The following FOCAD variants were observed in gnomAD, a reference collection of about 807,000 sequenced individuals.
FOCAD encodes KIAA1797.
Under a neutral mutation model 225.6 loss-of-function variants are expected in FOCAD, and 198 were observed. The observed-to-expected ratio is 0.88, with a 90% confidence interval of 0.78 to 0.99. The LOEUF is 0.99. Among genes scored for constraint, FOCAD ranks in the 50% least tolerant of loss-of-function variants. The pLI is 0.00. For missense variants in FOCAD, 2,713 were observed against 2,123.6 expected (o/e 1.28, Z -5.46); for synonymous variants, 897 against 755.0 (o/e 1.19, Z -3.08).
chr9:20,910,612 G>A (rs990499667), intron 22 of FOCAD, among the ~76,000 whole-genome samples: 7 of 151,972 alleles, frequency 4.6e-5, no homozygotes, highest in African/African-American at 1.7e-4. Context: ...ATTAATCATT[G>A]GAATCTACAG....
intron 28 of FOCAD, among the ~76,000 whole-genome samples, chr9:20,940,468 A>G (rs1421737307): frequency 6.6e-6 from 1 of 151,958 alleles, no homozygotes; most frequent in East Asian, 1.9e-4. Context: ...TATTTTTTGT[A>G]GAGACAGGGT....
At chr9:20,838,248 T>C (rs1451454221) in intron 15 of FOCAD, among the ~76,000 whole-genome samples, 3 of 152,084 alleles carry the variant, frequency 2.0e-5, no homozygotes, top group Non-Finnish European at 4.4e-5. Flanking sequence ...TTTTGTGATT[T>C]AGATGACATT....
rs567187176 is a variant in FOCAD, at chr9:20,734,165, C to T, written c.288-6071C>T. Among the ~76,000 whole-genome samples the T allele has an allele frequency of 1.6e-4, 25 of 151,804 alleles. No homozygotes were observed. The Middle Eastern group carries it at 0.014, about 83-fold the overall frequency. The stretch of plus-strand genomic sequence containing the variant: ...CTTTTTGTCATCTTTTTTTTCTTTT[C>T]TTAAAATTCACTTTTGTTATTGAGC... On this transcript the variant is annotated intron_variant, in intron 4 of 43. Transcript: ENST00000338382.
intron 20 of FOCAD, among the ~76,000 whole-genome samples, chr9:20,884,497 A>C (rs1046316200): frequency 6.6e-6 from 1 of 151,950 alleles, no homozygotes; most frequent in African/African-American, 2.4e-5. Context: ...GGGTTTCACC[A>C]TGTTGACCTG....
At chr9:20,862,843 A>G in intron 16 of FOCAD, 131 bp downstream of exon 16, 1 of 1,014,590 alleles carries the variant, frequency 9.9e-7, no homozygotes, top group Non-Finnish European at 1.4e-6. Flanking sequence ...TGATATGTTT[A>G]TGGACTCTTA....
chr9:20,944,600 A>C, intron 28 of FOCAD, 27 bp from the exon 29 acceptor site: 3 of 1,604,512 alleles, frequency 1.9e-6, no homozygotes, highest in East Asian at 2.2e-5. Context: ...TTATGATCCT[A>C]ACATCTTATC....
chr9:20,701,592 G>C (rs1029263676), intron 1 of FOCAD, among the ~76,000 whole-genome samples: 2 of 152,170 alleles, frequency 1.3e-5, no homozygotes, highest in African/African-American at 4.8e-5. Flanking sequence ...GATGGAAGTG[G>C]CCAATTGTTA....
chr9:20,746,507 G>T (rs72703912), intron 5 of FOCAD, among the ~76,000 whole-genome samples: 26,579 of 152,104 alleles, frequency 0.17, 2,698 homozygotes, highest in Non-Finnish European at 0.23. Flanking sequence ...TTCGAGAAAA[G>T]TTACAAGAAT....
At chr9:20,791,131 A>C (rs2131191852) in intron 11 of FOCAD, among the ~76,000 whole-genome samples, 1 of 152,196 alleles carries the variant, frequency 6.6e-6, no homozygotes, top group African/African-American at 2.4e-5. Context: ...TATCTAAAGA[A>C]GGATTCCCTT....
At chr9:20,838,156 A>G (rs758028988) in intron 15 of FOCAD, among the ~76,000 whole-genome samples, 15 of 151,910 alleles carry the variant, frequency 9.9e-5, no homozygotes, top group Admixed American at 2.6e-4. Flanking sequence ...AAGGAATAGG[A>G]TTTCTTAGAG....
At chr9:20,937,939 C>T (rs377412227) in intron 28 of FOCAD, among the ~76,000 whole-genome samples, 3 of 152,242 alleles carry the variant, frequency 2.0e-5, no homozygotes, top group East Asian at 3.9e-4. Flanking sequence ...AGACACTTCT[C>T]AAAAGAAGAC....
intron 2 of FOCAD, among the ~76,000 whole-genome samples, chr9:20,669,722 C>G (rs1821999301): frequency 6.6e-6 from 1 of 152,116 alleles, no homozygotes; most frequent in Non-Finnish European, 1.5e-5. Flanking sequence ...TTGCAGTGAT[C>G]CAAGATTGTG....
intron 1 of FOCAD, among the ~76,000 whole-genome samples, chr9:20,690,623 G>A (rs767840641): frequency 1.3e-5 from 2 of 152,028 alleles, no homozygotes; most frequent in Admixed American, 1.3e-4. Context: ...ATCATAGCTC[G>A]CCACAGCCTT....
rs191665816 is a variant in FOCAD at position 20,752,554 on chromosome 9, T to G, written c.393-5536T>G. ...GGTACCAGTACCATGCTGTTTTGGT[T>G]ACTGTAGCCTTGTATTATAGTTTGA... On this transcript the variant is annotated intron_variant, in intron 5 of 43. Coordinates refer to ENST00000338382, the MANE Select transcript of FOCAD (RefSeq NM_001375567.1). Among the ~76,000 whole-genome samples the G allele has an allele frequency of 3.0e-4, 45 of 152,328 alleles. 1 individual carries two copies. Among genetic ancestry groups the G allele is most frequent in the East Asian group, 5.8e-4 (3 of 5,192 alleles).
intron 35 of FOCAD, among the ~76,000 whole-genome samples, chr9:20,972,274 C>A (rs942371658): frequency 1.3e-5 from 2 of 152,022 alleles, no homozygotes; most frequent in Non-Finnish European, 2.9e-5. Context: ...TTTGCATATC[C>A]TGGGCAACAC....
intron 15 of FOCAD, among the ~76,000 whole-genome samples, chr9:20,825,455 T>C (rs1486168519): frequency 2.0e-5 from 3 of 152,110 alleles, no homozygotes; most frequent in Non-Finnish European, 4.4e-5. Flanking sequence ...CTGGTGGCAT[T>C]TGGTAATGAT....
intron 4 of FOCAD, among the ~76,000 whole-genome samples, chr9:20,732,717 C>T (rs1826818368): frequency 1.3e-5 from 2 of 151,958 alleles, no homozygotes; most frequent in African/African-American, 2.4e-5. Flanking sequence ...GATTAGGTGG[C>T]TGTTGCTGTA....
chr9:20,988,355 C>T lies in FOCAD; in HGVS notation c.4930C>T (p.Leu1644Phe). The T allele has an allele frequency of 6.2e-7, 1 of 1,610,742 alleles. No homozygotes were observed. The highest frequency in any genetic ancestry group is 1.3e-5 in the African/African-American group (1 of 74,870). The change falls in exon 41 of 44, where the codon CTC becomes TTC. Residue 1644 changes from leucine (L) to phenylalanine (F), a missense_variant. Coordinates refer to ENST00000338382, the MANE Select transcript of FOCAD (RefSeq NM_001375567.1). ...NTGVLKRMEW[L>F]LELMGYIRNV... ...AGGCGTTTTGAAGAGAATGGAGTGG[C>T]TCTTGGAACTGATGGGTTATATTAG...
At chr9:20,871,219 T>C (rs992780620) in intron 18 of FOCAD, among the ~76,000 whole-genome samples, 2 of 151,920 alleles carry the variant, frequency 1.3e-5, no homozygotes, top group African/African-American at 4.8e-5. Flanking sequence ...AAAAACAAAG[T>C]AAATTATCAT....
Sources: gnomAD v4.1 joint callset for allele counts (sites outside exome capture counted in the v4.1 genomes callset) on GRCh38, gnomAD v4.1.1 for gene constraint, MANE v1.5 for transcripts, NCBI Gene and HGNC (gene_info 2026-07-23, HGNC 2026-07-21) for gene names.